MAML2: variants seen among roughly 807,000 people sequenced by gnomAD.
The protein encoded by MAML2 is mastermind-like protein 2.
MAML2 carries 22 observed loss-of-function variants against 96.1 expected under a neutral mutation model. The observed-to-expected ratio is 0.23, with a 90% CI of 0.16 to 0.33. The LOEUF (loss-of-function observed/expected upper bound fraction) is 0.33. Ranked by LOEUF, MAML2 falls within the 10% of genes least tolerant of loss-of-function variation. The pLI is 1.00. For synonymous variants in MAML2, 561 were observed against 521.3 expected (o/e 1.08, Z -1.04); for missense variants, 1,367 against 1,392.4 (o/e 0.98, Z 0.29).
chr11:96,296,587 G>C (rs1863303968), intron 1 of MAML2, among the ~76,000 whole-genome samples: 1 of 152,118 alleles, frequency 6.6e-6, no homozygotes, highest in Non-Finnish European at 1.5e-5. Flanking sequence ...AGATCGCAGT[G>C]AGCTGAGATT....
chr11:96,128,958 T>G (rs150453705), intron 1 of MAML2, among the ~76,000 whole-genome samples: 1 of 152,314 alleles, frequency 6.6e-6, no homozygotes, highest in East Asian at 1.9e-4. Context: ...GGCTGAAATT[T>G]TACAGTATAG....
At chr11:96,103,504 G>A (rs1230440239) in intron 1 of MAML2, among the ~76,000 whole-genome samples, 2 of 152,148 alleles carry the variant, frequency 1.3e-5, no homozygotes, top group Non-Finnish European at 2.9e-5. Flanking sequence ...GTGTTCGAGG[G>A]TTGTTTATTC....
At chr11:96,273,100 T>C (rs1175407205) in intron 1 of MAML2, among the ~76,000 whole-genome samples, 1 of 152,184 alleles carries the variant, frequency 6.6e-6, no homozygotes, top group Non-Finnish European at 1.5e-5. Context: ...GTAATGCTGA[T>C]CACATTAAAG....
chr11:96,047,865 T>G (rs1163075989), intron 2 of MAML2, among the ~76,000 whole-genome samples: 1 of 122,526 alleles, frequency 8.2e-6, no homozygotes, highest in Non-Finnish European at 1.6e-5. Flanking sequence ...TGAGCCAAGA[T>G]CATGCCACTG....
At chr11:96,252,283 A>G (rs942062356) in intron 1 of MAML2, among the ~76,000 whole-genome samples, 12 of 152,212 alleles carry the variant, frequency 7.9e-5, no homozygotes, top group Non-Finnish European at 1.6e-4. Context: ...TGAGTTCTCT[A>G]TATAAATAAC....
At chr11:95,988,886 T>C (rs1857868154) in intron 3 of MAML2, among the ~76,000 whole-genome samples, 1 of 152,320 alleles carries the variant, frequency 6.6e-6, no homozygotes, top group South Asian at 2.1e-4. Flanking sequence ...CCCAATCTGT[T>C]GGACTTGAAA....
intron 1 of MAML2, among the ~76,000 whole-genome samples, chr11:96,104,633 C>CT (rs1271053842): frequency 8.5e-5 from 13 of 152,114 alleles, no homozygotes; most frequent in Admixed American, 8.5e-4. Flanking sequence ...GAAACAAGGT[C>CT]TTTTTAACAG....
At position 96,291,115 on chromosome 11, in the gene MAML2, C is replaced by CTT. The variant is rs58889757; in HGVS notation, c.513+50266_513+50267dup. Among the ~76,000 whole-genome samples the CTT allele has an allele frequency of 4.7e-3, 328 of 69,072 alleles. 27 individuals carry two copies. The highest frequency in any genetic ancestry group is 0.012 in the Middle Eastern group (1 of 84). 45.3% of individuals were successfully genotyped at this position (69,072 alleles called of 152,430 possible). ...ACATCTGTGTTAGTTTTTCACAAGCCTTTTTTTTTTTTTTTTTTTTTTTTT... is the reference window on the plus strand; with the variant it reads ...ACATCTGTGTTAGTTTTTCACAAGCCTTTTTTTTTTTTTTTTTTTTTTTTTTT... On this transcript the variant is annotated intron_variant, in intron 1 of 4. Transcript: ENST00000524717.
At chr11:96,325,511 T>C (rs1248984298) in intron 1 of MAML2, among the ~76,000 whole-genome samples, 1 of 152,212 alleles carries the variant, frequency 6.6e-6, no homozygotes, top group Middle Eastern at 3.2e-3. Flanking sequence ...TTTTCAGTGA[T>C]AGCATAAGGT....
intron 2 of MAML2, among the ~76,000 whole-genome samples, chr11:96,083,357 A>T (rs1246134461): frequency 6.6e-6 from 1 of 152,228 alleles, no homozygotes; most frequent in African/African-American, 2.4e-5. Context: ...CACTTGGAGT[A>T]TCCTCAGTGA....
intron 1 of MAML2, among the ~76,000 whole-genome samples, chr11:96,131,399 A>T (rs1860547096): frequency 6.6e-6 from 1 of 152,218 alleles, no homozygotes; most frequent in South Asian, 2.1e-4. Context: ...AGGGAAAACA[A>T]AGCTTCTACA....
chr11:96,339,073 A>G (rs1863955583), intron 1 of MAML2, among the ~76,000 whole-genome samples: 1 of 152,218 alleles, frequency 6.6e-6, no homozygotes, highest in African/African-American at 2.4e-5. Context: ...GCAATGCCAC[A>G]TATTCTCAGT....
intron 1 of MAML2, among the ~76,000 whole-genome samples, chr11:96,227,090 C>T (rs1174095074): frequency 6.6e-6 from 1 of 152,100 alleles, no homozygotes; most frequent in Non-Finnish European, 1.5e-5. Flanking sequence ...GGCCCTTGTA[C>T]CTGCTAGCCT....
At chr11:96,103,987 T>G (rs1041697365) in intron 1 of MAML2, among the ~76,000 whole-genome samples, 1 of 152,244 alleles carries the variant, frequency 6.6e-6, no homozygotes, top group East Asian at 1.9e-4. Flanking sequence ...TAACTCTTCC[T>G]TCTCCTATCA....
chr11:96,175,154 CT>C (rs1466464032), intron 1 of MAML2, among the ~76,000 whole-genome samples: 12 of 152,206 alleles, frequency 7.9e-5, no homozygotes, highest in African/African-American at 2.9e-4. Context: ...TTTTAGGAGT[CT>C]TGCATGCAAC....
At chr11:96,183,399 C>CT (rs1158362552) in intron 1 of MAML2, among the ~76,000 whole-genome samples, 2 of 61,964 alleles carry the variant, frequency 3.2e-5, no homozygotes, top group Non-Finnish European at 6.2e-5. Context: ...TTCCTCCCCC[C>CT]CCCCCCTTTC....
rs538383085 is a variant in MAML2 at position 96,069,031 on chromosome 11, C to T, written c.2139+22861G>A. On this transcript the variant is annotated intron_variant, in intron 2 of 4. Coordinates refer to ENST00000524717, the MANE Select transcript of MAML2 (RefSeq NM_032427.4). ...CAAACTCCTGGGTTTATGTGATCCT[C>T]CTGTCTCAGCTTCATGAGTAGCTAG... 2.4e-4 allele frequency among the ~76,000 whole-genome samples: 36 copies of T among 150,742 alleles called. 1 individual carries two copies. Among genetic ancestry groups the T allele is most frequent in the African/African-American group, 8.3e-4 (34 of 41,078 alleles).
At chr11:96,265,451 C>T (rs1019353047) in intron 1 of MAML2, among the ~76,000 whole-genome samples, 2 of 149,774 alleles carry the variant, frequency 1.3e-5, no homozygotes, top group Non-Finnish European at 2.9e-5. Flanking sequence ...AAAGACAGCT[C>T]AGCAGAAATG....
intron 1 of MAML2, among the ~76,000 whole-genome samples, chr11:96,204,417 G>A (rs1208255378): frequency 2.6e-5 from 4 of 152,218 alleles, no homozygotes; most frequent in African/African-American, 7.2e-5. Context: ...ATTCAGGCAA[G>A]TTCTGTAACA....
Sources: gnomAD v4.1 joint callset for allele counts (sites outside exome capture counted in the v4.1 genomes callset) on GRCh38, gnomAD v4.1.1 for gene constraint, MANE v1.5 for transcripts, NCBI Gene and HGNC (gene_info 2026-07-23, HGNC 2026-07-21) for gene names.